The following ATM variants were observed in gnomAD, a reference collection of about 807,000 sequenced individuals.
The protein encoded by ATM is serine-protein kinase ATM.
In ATM, 308 loss-of-function variants were observed where a neutral mutation model predicts 387.0. The observed-to-expected ratio is 0.80, with a 90% CI of 0.73 to 0.87. The LOEUF is 0.87. Among genes scored for constraint, ATM ranks in the 40% least tolerant of loss-of-function variants. The pLI is 0.00. For synonymous variants in ATM, 1,156 were observed against 1,187.3 expected, an observed-to-expected ratio of 0.97 and a Z score of 0.54; for missense variants, 3,312 against 3,560.9, an observed-to-expected ratio of 0.93 and a Z score of 1.78.
At chr11:108,254,777 G>A (rs4987956) in intron 13 of ATM, among the ~76,000 whole-genome samples, 3,579 of 152,150 alleles carry the variant, frequency 0.024, 107 homozygotes, top group African/African-American at 0.075. Flanking sequence ...TCAGTCTTCC[G>A]AGTAGCTGGG....
chr11:108,271,736 A>G (rs750447350), intron 20 of ATM, among the ~76,000 whole-genome samples: 4 of 152,246 alleles, frequency 2.6e-5, no homozygotes, highest in South Asian at 2.1e-4. Flanking sequence ...CCTTGTCCTT[A>G]TCTGGTTATT....
chr11:108,304,623 ATTTTACTCAT>A (rs1375584248), intron 36 of ATM, 42 bp from the exon 37 acceptor site: 1 of 1,556,148 alleles, frequency 6.4e-7, no homozygotes, highest in Non-Finnish European at 8.8e-7. Flanking sequence ...AAATGTATTA[ATTTTACTCAT>A]TTTTACTCAA....
chr11:108,326,539 AC>A (rs1302278023), intron 47 of ATM, among the ~76,000 whole-genome samples: 19 of 152,388 alleles, frequency 1.2e-4, no homozygotes, highest in Non-Finnish European at 2.6e-4. Context: ...ATTTGAAATG[AC>A]AAGTGAAAAA....
In ATM at chr11:108,287,707, C is replaced by G; in HGVS notation, c.4101C>G (p.Asp1367Glu). ...CCAGTCAGAGCACTGACCTCTGTGA[C>G]TTTTCAGGGTATGTACATTTTAAAC... Reference protein sequence around the residue: ...SSASQSTDLCDFSGDLDPAPN... With the variant: ...SSASQSTDLCEFSGDLDPAPN... The change falls in exon 27 of 63, where the codon GAC becomes GAG. Residue 1367 changes from aspartate (D) to glutamate (E), a missense_variant. Coordinates refer to ENST00000675843, the MANE Select transcript of ATM (RefSeq NM_000051.4). The G allele has an allele frequency of 1.2e-6, 2 of 1,610,826 alleles. No individual in the cohort carries two copies. The highest frequency in any genetic ancestry group is 1.7e-6 in the Non-Finnish European group (2 of 1,177,350).
intron 61 of ATM, among the ~76,000 whole-genome samples, chr11:108,357,693 C>T (rs1027293200): frequency 2.0e-5 from 3 of 152,164 alleles, no homozygotes; most frequent in African/African-American, 7.2e-5. Flanking sequence ...ACACTGACAC[C>T]TCACACGGCA....
intron 45 of ATM, among the ~76,000 whole-genome samples, chr11:108,324,065 A>T (rs200914406): frequency 4.0e-4 from 55 of 136,986 alleles, no homozygotes; most frequent in African/African-American, 1.5e-3. Context: ...TGAAAAAAAA[A>T]TTTTAAAGAA....
Position 108,319,805 on chromosome 11 carries a change from T to C in ATM, c.6348-149T>C, listed in dbSNP as rs1591098346. 2.7e-5 allele frequency: 17 copies of C among 632,788 alleles called. No homozygotes were observed. In the East Asian group the frequency reaches 4.7e-4, roughly 18 times the overall value. The allele number at this position is 632,788 out of a possible 1,614,324, so 39.2% of individuals were successfully genotyped here. A position where few individuals can be genotyped will look rare whatever the true frequency, so the allele number is the denominator to read the frequency against. ...AAAGAATTTAAATGACTCATAAAATTTGTATTTCTTACCAAAAATTCTAGA... is the reference window on the plus strand; with the variant it reads ...AAAGAATTTAAATGACTCATAAAATCTGTATTTCTTACCAAAAATTCTAGA... On this transcript the variant is annotated intron_variant, in intron 43 of 62. Transcript: ENST00000675843.
In ATM at chr11:108,365,360, G is replaced by A. The variant is rs587781894; in HGVS notation, c.9023G>A (p.Arg3008His). The A allele has an allele frequency of 5.6e-6, 9 of 1,614,000 alleles. No homozygotes were observed. The highest frequency in any genetic ancestry group is 2.2e-5 in the East Asian group (1 of 44,888). The stretch of plus-strand genomic sequence containing the variant: ...CAGAGTTTCAACAAAGTAGCTGAAC[G>A]TGTCTTAATGAGACTACAAGAGAAA... Reference protein sequence around the residue: ...IDQSFNKVAERVLMRLQEKLK... With the variant: ...IDQSFNKVAEHVLMRLQEKLK... Residue 3008 changes from arginine to histidine, a missense_variant, in exon 63 of 63, where the codon CGT (arginine) becomes CAT (histidine). Arg to His is a conservative substitution (Grantham distance 29). Transcript: ENST00000675843.
intron 36 of ATM, 81 bp from the exon 37 acceptor site, chr11:108,304,594 G>A (rs2083583967): frequency 7.5e-7 from 1 of 1,330,588 alleles, no homozygotes; most frequent in Non-Finnish European, 1.1e-6. Context: ...ATGTCAACGG[G>A]GCATGAAAAT....
chr11:108,321,264 CT>C (rs1213896669), intron 44 of ATM, 36 bp from the exon 45 acceptor site: 11 of 1,610,000 alleles, frequency 6.8e-6, no homozygotes, highest in Non-Finnish European at 9.3e-6. Flanking sequence ...AAAACCTCTT[CT>C]TTATTTTCAG....
chr11:108,281,544 A>G (rs2082233726), intron 24 of ATM, among the ~76,000 whole-genome samples: 1 of 152,202 alleles, frequency 6.6e-6, no homozygotes, highest in African/African-American at 2.4e-5. Context: ...GCAGGGCCAG[A>G]AGTCAAATTT....
At chr11:108,276,204 T>C (rs950007602) in intron 22 of ATM, among the ~76,000 whole-genome samples, 4 of 152,220 alleles carry the variant, frequency 2.6e-5, no homozygotes, top group Non-Finnish European at 5.9e-5. Flanking sequence ...ATTTTTCAGC[T>C]CCATCAGGTC....
rs1374447710 is a variant in ATM, at chr11:108,317,646, TATATATAC to T, written c.6347+127_6347+134del. The T allele has an allele frequency of 3.6e-3, 504 of 141,798 alleles. 1 individual carries two copies. Among genetic ancestry groups the T allele is most frequent in the African/African-American group, 6.5e-3 (158 of 24,312 alleles). 8.8% of individuals were successfully genotyped at this position (141,798 alleles called of 1,614,324 possible). ...ATATATATATATATATATATATATA[TATATATAC>T]ACACACACACACACACACACTATAT... On this transcript the variant is annotated intron_variant, in intron 43 of 62. Coordinates refer to ENST00000675843, the MANE Select transcript of ATM (RefSeq NM_000051.4).
intron 4 of ATM, chr11:108,229,673 G>T (rs1453763532): frequency 9.2e-6 from 2 of 218,036 alleles, no homozygotes; most frequent in East Asian, 1.3e-4. Context: ...AGAAATCTGA[G>T]GATTGAAGGG....
intron 26 of ATM, among the ~76,000 whole-genome samples, chr11:108,286,061 G>A (rs534578077): frequency 4.3e-4 from 66 of 152,218 alleles, no homozygotes; most frequent in African/African-American, 1.6e-3. Flanking sequence ...GCCGGGTGCG[G>A]TGGCTAACGC....
intron 57 of ATM, among the ~76,000 whole-genome samples, chr11:108,345,059 G>T (rs1314139382): frequency 6.6e-6 from 1 of 152,084 alleles, no homozygotes; most frequent in Non-Finnish European, 1.5e-5. Context: ...CCAGTTTTCT[G>T]TTTGGGGCAG....
intron 5 of ATM, among the ~76,000 whole-genome samples, chr11:108,242,010 G>A (rs536946009): frequency 5.9e-5 from 9 of 151,836 alleles, no homozygotes; most frequent in South Asian, 2.1e-4. Context: ...GTGAACCACC[G>A]TTCTCAGCTC....
chr11:108,276,533 G>T (rs1203262366), intron 22 of ATM, among the ~76,000 whole-genome samples: 1 of 152,186 alleles, frequency 6.6e-6, no homozygotes, highest in East Asian at 1.9e-4. Flanking sequence ...GGTGACTTTT[G>T]TATGGGGTTT....
intron 5 of ATM, among the ~76,000 whole-genome samples, chr11:108,241,738 C>CTTTTTT (rs1235260816): frequency 2.4e-5 from 2 of 82,086 alleles, no homozygotes; most frequent in Admixed American, 1.6e-4. Context: ...GTCTTTCTTT[C>CTTTTTT]TTTCTTTTTT....
Sources: gnomAD v4.1 joint callset for allele counts (sites outside exome capture counted in the v4.1 genomes callset) on GRCh38, gnomAD v4.1.1 for gene constraint, MANE v1.5 for transcripts, NCBI Gene and HGNC (gene_info 2026-07-23, HGNC 2026-07-21) for gene names.